DIP2C: variants seen among roughly 807,000 people sequenced by gnomAD.
DIP2C encodes disco-interacting protein 2 homolog C.
DIP2C carries 33 observed loss-of-function variants against 192.4 expected under a neutral mutation model. That is an observed-to-expected ratio of 0.17 (90% confidence interval 0.13 to 0.23). The LOEUF (loss-of-function observed/expected upper bound fraction) is 0.23. Among genes scored for constraint, DIP2C ranks in the 10% least tolerant of loss-of-function variants. DIP2C has a pLI of 1.00. For synonymous variants in DIP2C, 979 were observed against 864.1 expected (o/e 1.13, Z -2.33); for missense variants, 1,537 against 2,110.1 (o/e 0.73, Z 5.32).
At chr10:590,018 G>C (rs1468028093) in intron 1 of DIP2C, among the ~76,000 whole-genome samples, 1 of 152,252 alleles carries the variant, frequency 6.6e-6, no homozygotes, top group Non-Finnish European at 1.5e-5. Context: ...TCACAGTATA[G>C]TTCAAACAGG....
At chr10:633,388 G>A (rs1397999223) in intron 1 of DIP2C, among the ~76,000 whole-genome samples, 6 of 152,170 alleles carry the variant, frequency 3.9e-5, no homozygotes, top group Non-Finnish European at 8.8e-5. Context: ...AGTCCGAGGC[G>A]GTGCCGCAGA....
intron 1 of DIP2C, among the ~76,000 whole-genome samples, chr10:568,514 T>G (rs1849573878): frequency 6.6e-6 from 1 of 152,002 alleles, no homozygotes; most frequent in South Asian, 2.1e-4. Context: ...ACGCCTGTAA[T>G]CCCAGCACTT....
intron 3 of DIP2C, among the ~76,000 whole-genome samples, chr10:448,509 C>G (rs76946414): frequency 0.04 from 4,632 of 116,662 alleles, 18 homozygotes; most frequent in African/African-American, 0.19. Context: ...CAGCAGGACC[C>G]GCTCACTCCC....
chr10:350,832 A>G (rs1238169719), intron 24 of DIP2C, among the ~76,000 whole-genome samples: 1 of 152,028 alleles, frequency 6.6e-6, no homozygotes, highest in Non-Finnish European at 1.5e-5. Flanking sequence ...TTTTTAGTAG[A>G]AATGGGGGTT....
chr10:522,283 AAT>A (rs1846762254), intron 1 of DIP2C, among the ~76,000 whole-genome samples: 1 of 152,232 alleles, frequency 6.6e-6, no homozygotes, highest in South Asian at 2.1e-4. Flanking sequence ...AGTGTTGAAT[AAT>A]ATCCCAGTTT....
chr10:382,265 C>T (rs564735775), intron 17 of DIP2C, among the ~76,000 whole-genome samples: 5 of 152,244 alleles, frequency 3.3e-5, no homozygotes, highest in South Asian at 2.1e-4. Flanking sequence ...ACATGGAAGT[C>T]GGTAACACTA....
intron 1 of DIP2C, chr10:641,558 GT>G (rs886383474): frequency 1.9e-5 from 3 of 154,120 alleles, no homozygotes; most frequent in Admixed American, 6.5e-5. Context: ...GAACCCGGGT[GT>G]CAGCTTGATT....
intron 2 of DIP2C, among the ~76,000 whole-genome samples, chr10:473,291 G>A (rs553213433): frequency 1.4e-4 from 22 of 152,356 alleles, no homozygotes; most frequent in African/African-American, 5.3e-4. Flanking sequence ...CCAAAGGAAG[G>A]ACATCATCAT....
At chr10:625,062 G>A (rs1423426712) in intron 1 of DIP2C, among the ~76,000 whole-genome samples, 2 of 152,142 alleles carry the variant, frequency 1.3e-5, no homozygotes, top group Non-Finnish European at 2.9e-5. Context: ...CCGCACTATG[G>A]GCACCGTCAT....
At chr10:413,192 G>A (rs1051426138) in intron 8 of DIP2C, among the ~76,000 whole-genome samples, 2 of 152,100 alleles carry the variant, frequency 1.3e-5, no homozygotes, top group Admixed American at 6.6e-5. Context: ...CTGACAATCT[G>A]CCCCTCCATG....
rs569394966 is a variant in DIP2C at position 604,183 on chromosome 10, C to T, written c.85+85311G>A. Among the ~76,000 whole-genome samples, 31 of 152,198 alleles carry T rather than the reference C, an allele frequency of 2.0e-4. No individual in the cohort carries two copies. In the South Asian group the frequency reaches 5.4e-3, roughly 27 times the overall value. On this transcript the variant is annotated intron_variant, in intron 1 of 36. Coordinates refer to ENST00000280886, the MANE Select transcript of DIP2C (RefSeq NM_014974.3). Reference sequence around the variant, plus strand: ...TCCTCCCCCATCTCACTGTCTGTTACGCAGTCACATCTCCAAAGCCTCTTT... The same window carrying T: ...TCCTCCCCCATCTCACTGTCTGTTATGCAGTCACATCTCCAAAGCCTCTTT...
At chr10:604,653 A>G (rs1433462741) in intron 1 of DIP2C, among the ~76,000 whole-genome samples, 1 of 152,242 alleles carries the variant, frequency 6.6e-6, no homozygotes, top group Non-Finnish European at 1.5e-5. Context: ...TCTCTTGATT[A>G]TAGTTTTTAT....
intron 1 of DIP2C, among the ~76,000 whole-genome samples, chr10:541,280 C>T (rs1004185465): frequency 1.9e-4 from 29 of 152,278 alleles, no homozygotes; most frequent in African/African-American, 6.0e-4. Flanking sequence ...CACACCCTGC[C>T]GAGGACAGTG....
At chr10:615,024 G>A (rs902062399) in intron 1 of DIP2C, among the ~76,000 whole-genome samples, 2 of 152,196 alleles carry the variant, frequency 1.3e-5, no homozygotes, top group Non-Finnish European at 2.9e-5. Context: ...CTGGTCCCAC[G>A]CCAGCCAGAA....
intron 1 of DIP2C, among the ~76,000 whole-genome samples, chr10:558,457 C>T (rs1044112948): frequency 3.3e-5 from 5 of 152,182 alleles, no homozygotes; most frequent in South Asian, 2.1e-4. Flanking sequence ...TGTATCACCA[C>T]GAGCTGGGGG....
At chr10:471,359 G>A (rs1970612122) in intron 3 of DIP2C, among the ~76,000 whole-genome samples, 1 of 152,248 alleles carries the variant, frequency 6.6e-6, no homozygotes, top group Non-Finnish European at 1.5e-5. Context: ...GAGCCTGCAT[G>A]GACAGAGAGA....
rs374728475 is a variant in DIP2C, at chr10:419,061, G to T, written c.739+4C>A. The T allele has an allele frequency of 1.2e-6, 2 of 1,614,240 alleles. No homozygotes were observed. Among genetic ancestry groups the T allele is most frequent in the East Asian group, 4.5e-5 (2 of 44,884 alleles). On this transcript the variant is annotated splice_donor_region_variant and intron_variant, in intron 6 of 36. Transcript: ENST00000280886. ...AAAAAACGCATCTCTCCTTTGGGAC[G>T]TACCATCCCCGGTCTCCATGAGCTC...
rs1041684380 is a variant in DIP2C at position 307,835 on chromosome 10, C to T, written c.3986+2196G>A. 4.8e-5 allele frequency among the ~76,000 whole-genome samples: 7 copies of T among 147,232 alleles called. 1 individual carries two copies. The highest frequency in any genetic ancestry group is 4.7e-4 in the Admixed American group (7 of 14,942). On this transcript the variant is annotated intron_variant, in intron 32 of 36. Coordinates refer to ENST00000280886, the MANE Select transcript of DIP2C (RefSeq NM_014974.3). ...TCAGGGGTGCCTGGGCGGGGCCCGG[C>T]ACACAGTCCATCTGGAGGGCAGCAG... is the stretch of plus-strand genomic sequence containing the variant.
intron 9 of DIP2C, among the ~76,000 whole-genome samples, chr10:400,088 A>T (rs948227922): frequency 6.6e-6 from 1 of 152,232 alleles, no homozygotes; most frequent in African/African-American, 2.4e-5. Context: ...TCTATTACCC[A>T]GGCTGGAGTG....
Sources: gnomAD v4.1 joint callset for allele counts (sites outside exome capture counted in the v4.1 genomes callset) on GRCh38, gnomAD v4.1.1 for gene constraint, MANE v1.5 for transcripts, NCBI Gene and HGNC (gene_info 2026-07-23, HGNC 2026-07-21) for gene names.